VTI1A: variants seen among roughly 807,000 people sequenced by gnomAD.
The protein encoded by VTI1A is vesicle transport through interaction with t-SNAREs homolog 1A.
In VTI1A, 22 loss-of-function variants were observed where a neutral mutation model predicts 34.9. The ratio of observed to expected loss-of-function variants is 0.63; its 90% CI spans 0.45 to 0.90. The LOEUF is 0.90. Among genes scored for constraint, VTI1A ranks in the 40% least tolerant of loss-of-function variants. VTI1A has a pLI of 0.00. For synonymous variants in VTI1A, 87 were observed against 97.3 expected (o/e 0.89, Z 0.62); for missense variants, 268 against 275.6 (o/e 0.97, Z 0.20).
At chr10:112,633,416 T>C (rs1012951295) in intron 5 of VTI1A, among the ~76,000 whole-genome samples, 1 of 152,160 alleles carries the variant, frequency 6.6e-6, no homozygotes, top group Non-Finnish European at 1.5e-5. Flanking sequence ...AGAGAGCTGC[T>C]TTTTTCCTTC....
chr10:112,487,629 A>C (rs1848689475), intron 3 of VTI1A, among the ~76,000 whole-genome samples: 1 of 152,052 alleles, frequency 6.6e-6, no homozygotes, highest in Non-Finnish European at 1.5e-5. Flanking sequence ...ACTCTCACCT[A>C]GTTGTCTTTT....
At chr10:112,678,662 G>A (rs976197975) in intron 7 of VTI1A, among the ~76,000 whole-genome samples, 2 of 152,140 alleles carry the variant, frequency 1.3e-5, no homozygotes, top group Admixed American at 6.5e-5. Context: ...GTAAACTAGC[G>A]TATTCACACA....
chr10:112,653,453 G>A (rs1847112963), intron 5 of VTI1A, among the ~76,000 whole-genome samples: 1 of 152,138 alleles, frequency 6.6e-6, no homozygotes, highest in Non-Finnish European at 1.5e-5. Flanking sequence ...CCTGTGTGCT[G>A]GGGAAGGCAC....
chr10:112,576,847 A>G (rs1843729207), intron 5 of VTI1A, among the ~76,000 whole-genome samples: 1 of 152,200 alleles, frequency 6.6e-6, no homozygotes, highest in East Asian at 1.9e-4. Context: ...GTCACAATTT[A>G]TATTACACAC....
chr10:112,629,078 A>T (rs1013885990), intron 5 of VTI1A, among the ~76,000 whole-genome samples: 1 of 152,208 alleles, frequency 6.6e-6, no homozygotes, highest in Non-Finnish European at 1.5e-5. Flanking sequence ...TTGTCAGTTG[A>T]ATAGACAGGT....
the VTI1A span, among the ~76,000 whole-genome samples, chr10:112,830,369 C>T: frequency 6.6e-6 from 1 of 151,332 alleles, no homozygotes; most frequent in Non-Finnish European, 1.5e-5. Context: ...ACTCCAAGCT[C>T]TTTCTCCCCT....
chr10:112,684,437 C>CTTTTT (rs35671432), intron 7 of VTI1A, among the ~76,000 whole-genome samples: 3 of 123,464 alleles, frequency 2.4e-5, no homozygotes, highest in African/African-American at 3.1e-5. Flanking sequence ...ATGCTCATCT[C>CTTTTT]TTTTTTTTTT....
chr10:112,725,958 G>A (rs1175856156), intron 7 of VTI1A, among the ~76,000 whole-genome samples: 2 of 152,134 alleles, frequency 1.3e-5, no homozygotes, highest in Admixed American at 1.3e-4. Context: ...TAGGCTCCTG[G>A]CCCAAACCTG....
chr10:112,662,031 C>G (rs1847480919), intron 5 of VTI1A, among the ~76,000 whole-genome samples: 1 of 152,132 alleles, frequency 6.6e-6, no homozygotes, highest in Non-Finnish European at 1.5e-5. Context: ...CTTGGCCTCC[C>G]AAACTGCTGG....
intron 3 of VTI1A, 42 bp downstream of exon 3, chr10:112,464,699 A>G: frequency 6.4e-7 from 1 of 1,561,600 alleles, no homozygotes; most frequent in Non-Finnish European, 8.7e-7. Context: ...CTTTTTTTTA[A>G]AAATGTTTCC....
intron 7 of VTI1A, among the ~76,000 whole-genome samples, chr10:112,812,873 G>C (rs185473363): frequency 6.6e-6 from 1 of 152,130 alleles, no homozygotes; most frequent in Non-Finnish European, 1.5e-5. Context: ...CATCTTTGAC[G>C]GGGCTTGCTT....
intron 7 of VTI1A, among the ~76,000 whole-genome samples, chr10:112,729,841 C>T (rs1850185166): frequency 6.6e-6 from 1 of 152,208 alleles, no homozygotes; most frequent in Non-Finnish European, 1.5e-5. Flanking sequence ...ACCTGCGCCT[C>T]TTCAGCGCTC....
the VTI1A span, among the ~76,000 whole-genome samples, chr10:112,842,729 G>A: frequency 6.6e-6 from 1 of 152,212 alleles, no homozygotes; most frequent in Non-Finnish European, 1.5e-5. Context: ...AGAAAACGGG[G>A]AGCAAATGCA....
chr10:112,710,797 G>A (rs1382386862), intron 7 of VTI1A, among the ~76,000 whole-genome samples: 1 of 152,028 alleles, frequency 6.6e-6, no homozygotes, highest in African/African-American at 2.4e-5. Context: ...TGTTGTCCAT[G>A]TGTATCTGTG....
intron 7 of VTI1A, among the ~76,000 whole-genome samples, chr10:112,789,900 C>T (rs1852403811): frequency 6.7e-6 from 1 of 149,786 alleles, no homozygotes; most frequent in African/African-American, 2.4e-5. Flanking sequence ...GAGTCAGTTT[C>T]TATTGACTGC....
In VTI1A at chr10:112,463,737, G is replaced by A. The variant is rs148131359; in HGVS notation, c.154-810G>A. On this transcript the variant is annotated intron_variant, in intron 2 of 7. Coordinates refer to ENST00000393077, the MANE Select transcript of VTI1A (RefSeq NM_145206.4). ...TGTGGTTATAAAGTATCGGGAGTTA[G>A]GATGAAGGTAAAGATCACATGTTGG... Among the ~76,000 whole-genome samples the A allele has an allele frequency of 3.2e-3, 488 of 152,256 alleles. 2 individuals are homozygous for A. The highest frequency in any genetic ancestry group is 5.3e-3 in the Non-Finnish European group (362 of 68,016).
In VTI1A at chr10:112,713,039, G is replaced by A. The variant is rs143279823; in HGVS notation, c.560+44041G>A. 1.2e-3 allele frequency among the ~76,000 whole-genome samples: 176 copies of A among 152,192 alleles called. 1 individual carries two copies. Among genetic ancestry groups the A allele is most frequent in the African/African-American group, 3.9e-3 (160 of 41,524 alleles). ...GTTCCTGATATAGGACCCCGTTCTA[G>A]CTTTAGGGATCCCCTTTCTGTGTTT... On this transcript the variant is annotated intron_variant, in intron 7 of 7. Coordinates refer to ENST00000393077, the MANE Select transcript of VTI1A (RefSeq NM_145206.4).
At chr10:112,778,818 CAAG>C (rs1210659959) in intron 7 of VTI1A, among the ~76,000 whole-genome samples, 4 of 152,082 alleles carry the variant, frequency 2.6e-5, no homozygotes, top group African/African-American at 9.7e-5. Context: ...TTGTCTGAAT[CAAG>C]AAATTCCTGT....
chr10:112,462,651 A>C (rs915582279), intron 2 of VTI1A, among the ~76,000 whole-genome samples: 2 of 152,192 alleles, frequency 1.3e-5, no homozygotes, highest in East Asian at 3.8e-4. Flanking sequence ...AATCAAGGCT[A>C]ATTAAAATTA....
Sources: gnomAD v4.1 joint callset for allele counts (sites outside exome capture counted in the v4.1 genomes callset) on GRCh38, gnomAD v4.1.1 for gene constraint, MANE v1.5 for transcripts, NCBI Gene and HGNC (gene_info 2026-07-23, HGNC 2026-07-21) for gene names.